MLLT3: variants seen among roughly 807,000 people sequenced by gnomAD.
The protein encoded by MLLT3 is protein AF-9.
In MLLT3, 4 loss-of-function variants were observed where a neutral mutation model predicts 53.2. That is an observed-to-expected ratio of 0.08 (90% CI 0.04 to 0.17). The LOEUF is 0.17. MLLT3 is among the 10% of genes least tolerant of loss of function. MLLT3 has a pLI of 1.00. For missense variants in MLLT3, 569 were observed against 684.0 expected, an observed-to-expected ratio of 0.83 and a Z score of 1.87; for synonymous variants, 283 against 230.6, an observed-to-expected ratio of 1.23 and a Z score of -2.06.
intron 5 of MLLT3, among the ~76,000 whole-genome samples, chr9:20,402,207 C>G (rs1273300694): frequency 6.6e-6 from 1 of 152,136 alleles, no homozygotes; most frequent in Non-Finnish European, 1.5e-5. Flanking sequence ...GACATGGTTT[C>G]TACATTAGGA....
At chr9:20,437,644 G>A (rs958898712) in intron 4 of MLLT3, among the ~76,000 whole-genome samples, 1 of 152,076 alleles carries the variant, frequency 6.6e-6, no homozygotes, top group African/African-American at 2.4e-5. Flanking sequence ...TCTAGCCCTG[G>A]CCCTGAGACC....
At chr9:20,552,148 CA>C (rs2119029008) in intron 2 of MLLT3, among the ~76,000 whole-genome samples, 1 of 152,274 alleles carries the variant, frequency 6.6e-6, no homozygotes, top group South Asian at 2.1e-4. Flanking sequence ...TGGCAGAGGA[CA>C]GTGAGCAACA....
intron 10 of MLLT3, among the ~76,000 whole-genome samples, chr9:20,346,873 T>C (rs1260519263): frequency 2.6e-5 from 4 of 151,938 alleles, no homozygotes; most frequent in African/African-American, 7.3e-5. Context: ...TAGGGGGAGA[T>C]AGCATTTCAA....
chr9:20,414,103 A>C lies in MLLT3; in HGVS notation c.743T>G (p.Val248Gly). Residue 248 changes from valine to glycine, a missense_variant, in exon 5 of 11, where the codon GTT becomes GGT. Around this residue, in one of 5 missense-constraint regions of MLLT3, gnomAD observed 437 missense variants for 376.5 expected, o/e 1.16. Transcript: ENST00000380338. ...ENKPLKEEKI[V>G]PKMAFKEPKP... ...AGGTTCCTTGAAGGCCATCTTAGGA[A>C]CTATTTTCTCTTCTTTCAGTGGTTT... is the stretch of plus-strand genomic sequence containing the variant. 3 of 1,613,602 alleles carry C rather than the reference A, an allele frequency of 1.9e-6. No homozygotes were observed. The highest frequency in any genetic ancestry group is 2.5e-6 in the Non-Finnish European group (3 of 1,179,916).
intron 2 of MLLT3, among the ~76,000 whole-genome samples, chr9:20,532,399 T>C (rs563977688): frequency 3.8e-4 from 58 of 152,242 alleles, no homozygotes; most frequent in African/African-American, 1.4e-3. Context: ...GACACCAAAA[T>C]GTAATATGTT....
At position 20,604,609 on chromosome 9, in the gene MLLT3, G is replaced by C. The variant is rs1436885702; in HGVS notation, c.193+16045C>G. Among the ~76,000 whole-genome samples, 4 of 152,164 alleles carry C rather than the reference G, an allele frequency of 2.6e-5. No individual in the cohort carries two copies. In the East Asian group the frequency reaches 5.8e-4, roughly 22 times the overall value. ...CATATAAAACACAGCTAGCATATCT[G>C]CAAAGTAGAAATGATAGTGTTTGAA... On this transcript the variant is annotated intron_variant, in intron 2 of 10. Coordinates refer to ENST00000380338, the MANE Select transcript of MLLT3 (RefSeq NM_004529.4).
At chr9:20,358,508 G>A (rs187728995) in intron 8 of MLLT3, among the ~76,000 whole-genome samples, 6 of 152,282 alleles carry the variant, frequency 3.9e-5, no homozygotes, top group Admixed American at 3.9e-4. Flanking sequence ...CCAGATAGAC[G>A]ATACTATTCG....
At chr9:20,449,294 G>T (rs538946036) in intron 3 of MLLT3, among the ~76,000 whole-genome samples, 2 of 152,298 alleles carry the variant, frequency 1.3e-5, no homozygotes, top group East Asian at 3.9e-4. Context: ...TAGAAATGCA[G>T]TGAGTATCTG....
At chr9:20,412,324 C>T (rs975897185) in intron 5 of MLLT3, among the ~76,000 whole-genome samples, 13 of 152,318 alleles carry the variant, frequency 8.5e-5, no homozygotes, top group Admixed American at 2.0e-4. Context: ...GGAACAAACA[C>T]ATTCAACTCT....
rs117405535 is a variant in MLLT3, at chr9:20,539,634, C to A, written c.193+81020G>T. On this transcript the variant is annotated intron_variant, in intron 2 of 10. Transcript: ENST00000380338. ...GGGAAATCCACACCCATGATCCAAT[C>A]ACCTCCCACTAGATACCTCCCCTGA... is the stretch of plus-strand genomic sequence containing the variant. Among the ~76,000 whole-genome samples, 1,107 of 152,306 alleles carry A rather than the reference C, an allele frequency of 7.3e-3. 7 individuals are homozygous for A. The highest frequency in any genetic ancestry group is 0.01 in the Non-Finnish European group (703 of 68,018).
intron 5 of MLLT3, among the ~76,000 whole-genome samples, chr9:20,379,905 A>G (rs1295260684): frequency 6.6e-6 from 1 of 152,044 alleles, no homozygotes; most frequent in Non-Finnish European, 1.5e-5. Context: ...AATAGACACC[A>G]TCCAAAACAA....
intron 10 of MLLT3, among the ~76,000 whole-genome samples, chr9:20,348,232 T>G (rs1357593106): frequency 6.6e-6 from 1 of 152,216 alleles, no homozygotes; most frequent in Non-Finnish European, 1.5e-5. Context: ...TTCCTTAATT[T>G]TTTTTTATTA....
At chr9:20,389,220 A>G (rs189608760) in intron 5 of MLLT3, among the ~76,000 whole-genome samples, 2,423 of 152,314 alleles carry the variant, frequency 0.016, 55 homozygotes, top group African/African-American at 0.055. Context: ...GTACAACATA[A>G]GTAAGTCCTG....
chr9:20,397,990 A>C (rs1822363950), intron 5 of MLLT3, among the ~76,000 whole-genome samples: 1 of 152,150 alleles, frequency 6.6e-6, no homozygotes, highest in Non-Finnish European at 1.5e-5. Flanking sequence ...TTCTGTCACT[A>C]TGCTAGTGTT....
chr9:20,434,002 T>C (rs1429455796), intron 4 of MLLT3, among the ~76,000 whole-genome samples: 1 of 151,288 alleles, frequency 6.6e-6, no homozygotes, highest in Non-Finnish European at 1.5e-5. Flanking sequence ...GCACCTGTAG[T>C]CCCAGCTACT....
chr9:20,522,163 A>C (rs545194911), intron 2 of MLLT3, among the ~76,000 whole-genome samples: 1 of 152,140 alleles, frequency 6.6e-6, no homozygotes, highest in Admixed American at 6.5e-5. Context: ...ACCAGCACTA[A>C]ACTGTTCATG....
chr9:20,422,653 C>T (rs566403916), intron 4 of MLLT3, among the ~76,000 whole-genome samples: 5 of 152,128 alleles, frequency 3.3e-5, no homozygotes, highest in Non-Finnish European at 5.9e-5. Context: ...CTCAGCCATA[C>T]CTGACTATGA....
chr9:20,607,619 G>C (rs1438185366), intron 2 of MLLT3, among the ~76,000 whole-genome samples: 1 of 152,052 alleles, frequency 6.6e-6, no homozygotes, highest in South Asian at 2.1e-4. Context: ...CTAAGGTAGA[G>C]TTAATCTATT....
chr9:20,614,528 A>T (rs1195013438), intron 2 of MLLT3, among the ~76,000 whole-genome samples: 1 of 152,190 alleles, frequency 6.6e-6, no homozygotes, highest in Non-Finnish European at 1.5e-5. Flanking sequence ...ATTGATGTGT[A>T]TGTGTATATA....
Sources: allele counts gnomAD v4.1 joint callset (sites outside exome capture counted in the v4.1 genomes callset), GRCh38; gene constraint gnomAD v4.1.1; regional missense constraint gnomAD v4.1.1; transcripts MANE v1.5; gene names NCBI Gene and HGNC (gene_info 2026-07-23, HGNC 2026-07-21).